Variants in POT1 observed in about 807,000 individuals in gnomAD.
POT1 encodes the protein protection of telomeres 1.
POT1 carries 47 observed loss-of-function variants against 78.5 expected under a neutral mutation model. That is an observed-to-expected ratio of 0.60 (90% confidence interval 0.47 to 0.76). The LOEUF (loss-of-function observed/expected upper bound fraction) is 0.76, where lower values mean the gene tolerates loss of function less well. Ranked by LOEUF, POT1 falls within the 30% of genes least tolerant of loss-of-function variation. The pLI is 0.00. For synonymous variants in POT1, 259 were observed against 260.7 expected, an observed-to-expected ratio of 0.99 and a Z score of 0.06; for missense variants, 646 against 749.9, an observed-to-expected ratio of 0.86 and a Z score of 1.62.
chr7:124,866,323 T>C (rs1210380254), intron 7 of POT1, among the ~76,000 whole-genome samples: 1 of 152,162 alleles, frequency 6.6e-6, no homozygotes, highest in Non-Finnish European at 1.5e-5. Flanking sequence ...GAAACCTTTG[T>C]GCTGCCTCAG....
chr7:124,842,996 C>G, intron 12 of POT1, 33 bp from the exon 13 acceptor site: 1 of 1,436,168 alleles, frequency 7.0e-7, no homozygotes, highest in Non-Finnish European at 9.4e-7. Context: ...ATCAGAATAA[C>G]AAGAATCATA....
intron 15 of POT1, among the ~76,000 whole-genome samples, chr7:124,831,481 T>C (rs1193407940): frequency 6.6e-6 from 1 of 152,214 alleles, no homozygotes; most frequent in Non-Finnish European, 1.5e-5. Context: ...AAATGTTCTC[T>C]ATTATCCATT....
intron 12 of POT1, 22 bp downstream of exon 12, chr7:124,846,920 C>G (rs771798994): frequency 6.5e-7 from 1 of 1,533,198 alleles, no homozygotes. Context: ...GTGCCCATCT[C>G]AAAAATGATA....
chr7:124,891,305 T>C (rs1409054434), intron 6 of POT1, among the ~76,000 whole-genome samples: 1 of 151,752 alleles, frequency 6.6e-6, no homozygotes, highest in African/African-American at 2.4e-5. Context: ...TTAAAGTCTC[T>C]TTTGTCTGAT....
At chr7:124,827,397 T>C in intron 16 of POT1, 92 bp from the exon 17 acceptor site, 1 of 569,866 alleles carries the variant, frequency 1.8e-6, no homozygotes, top group Non-Finnish European at 2.8e-6. Context: ...TATAGACCTG[T>C]AAATTTTATT....
At chr7:124,831,574 C>T (rs1562975769) in intron 15 of POT1, among the ~76,000 whole-genome samples, 1 of 151,642 alleles carries the variant, frequency 6.6e-6, no homozygotes, top group Non-Finnish European at 1.5e-5. Context: ...CATTTTATGA[C>T]AAGGGAAATA....
intron 3 of POT1, among the ~76,000 whole-genome samples, chr7:124,912,060 T>A (rs1177809240): frequency 6.6e-6 from 1 of 152,166 alleles, no homozygotes; most frequent in Non-Finnish European, 1.5e-5. Flanking sequence ...GGCTCAGGGT[T>A]CAGATGTCTT....
intron 16 of POT1, among the ~76,000 whole-genome samples, chr7:124,827,956 C>A (rs909959322): frequency 1.3e-5 from 2 of 151,990 alleles, no homozygotes; most frequent in African/African-American, 4.8e-5. Flanking sequence ...TTGCTTGAAC[C>A]TGGGAGGCAG....
rs1314905992 is a variant in POT1 at position 124,823,191 on chromosome 7, C to T, written c.*771G>A. On this transcript the variant is annotated 3_prime_UTR_variant, in exon 19 of 19. Transcript: ENST00000357628. Reference sequence around the variant, plus strand: ...CCTAAACATCTGCTGCATTGCCACACCTATTTCGATTCTTTGCCTCATATC... The same window carrying T: ...CCTAAACATCTGCTGCATTGCCACATCTATTTCGATTCTTTGCCTCATATC... The T allele has an allele frequency of 6.6e-6, 1 of 152,042 alleles. No individual in the cohort carries two copies. Among genetic ancestry groups the T allele is most frequent in the Non-Finnish European group, 1.5e-5 (1 of 67,960 alleles). 9.4% of individuals were successfully genotyped at this position (152,042 alleles called of 1,614,324 possible).
chr7:124,868,473 G>C (rs1298947408), intron 7 of POT1, among the ~76,000 whole-genome samples: 1 of 151,990 alleles, frequency 6.6e-6, no homozygotes, highest in Non-Finnish European at 1.5e-5. Context: ...TATCATAGTA[G>C]CCTTTAAAAC....
At chr7:124,825,160 G>C in intron 18 of POT1, 92 bp downstream of exon 18, 2 of 719,708 alleles carry the variant, frequency 2.8e-6, no homozygotes, top group East Asian at 2.8e-5. Flanking sequence ...TGGAAGCAAA[G>C]CTTTCAGACT....
At chr7:124,880,820 A>G (rs1328732235) in intron 6 of POT1, among the ~76,000 whole-genome samples, 1 of 94,754 alleles carries the variant, frequency 1.1e-5, no homozygotes, top group Non-Finnish European at 2.4e-5. Flanking sequence ...ACAATTTTAC[A>G]GAGGAACGTG....
intron 6 of POT1, among the ~76,000 whole-genome samples, chr7:124,872,160 A>C (rs1795886114): frequency 6.6e-6 from 1 of 152,162 alleles, no homozygotes; most frequent in Non-Finnish European, 1.5e-5. Flanking sequence ...TAAATGACAG[A>C]ATTTCCTTTG....
At chr7:124,871,135 C>T in intron 6 of POT1, 94 bp from the exon 7 acceptor site, 1 of 1,086,116 alleles carries the variant, frequency 9.2e-7, no homozygotes, top group South Asian at 2.1e-5. Flanking sequence ...AAACCTTATT[C>T]TTCCTTTTAA....
At chr7:124,865,692 T>A (rs1795704527) in intron 7 of POT1, among the ~76,000 whole-genome samples, 1 of 151,458 alleles carries the variant, frequency 6.6e-6, no homozygotes, top group Non-Finnish European at 1.5e-5. Context: ...TTTAAGTTAT[T>A]TTATTTATTA....
At chr7:124,896,716 A>G (rs1796500448) in intron 5 of POT1, among the ~76,000 whole-genome samples, 1 of 151,706 alleles carries the variant, frequency 6.6e-6, no homozygotes, top group African/African-American at 2.4e-5. Flanking sequence ...AATAGTGGGG[A>G]AAATGGTTAA....
rs1482990952 is a variant in POT1, at chr7:124,829,258, T to G, written c.1590A>C (p.Ala530=). ...DKTSWIPSSV[A]EALGIVPLQY... ...GGGCATGGAAATTTAGCTAACCTTC[T>G]GCCACAGAAGAAGGAATCCACGATG... Residue 530 remains alanine (A), a synonymous_variant, in exon 16 of 19, where the codon GCA becomes GCC. Transcript: ENST00000357628. 6.3e-7 allele frequency: 1 copy of G among 1,593,850 alleles called. No homozygotes were observed. The highest frequency in any genetic ancestry group is 8.6e-7 in the Non-Finnish European group (1 of 1,162,468).
chr7:124,921,588 T>C (rs976146579), intron 2 of POT1, among the ~76,000 whole-genome samples: 1 of 152,220 alleles, frequency 6.6e-6, no homozygotes, highest in Non-Finnish European at 1.5e-5. Context: ...TATTATCAGA[T>C]GCATTTTGTC....
At chr7:124,911,482 A>T (rs982034088) in intron 3 of POT1, among the ~76,000 whole-genome samples, 3 of 152,140 alleles carry the variant, frequency 2.0e-5, no homozygotes, top group Non-Finnish European at 4.4e-5. Context: ...TATTTTAAAA[A>T]TTTTATCAGC....
Sources: gnomAD v4.1 joint callset for allele counts (sites outside exome capture counted in the v4.1 genomes callset) on GRCh38, gnomAD v4.1.1 for gene constraint, MANE v1.5 for transcripts, NCBI Gene and HGNC (gene_info 2026-07-23, HGNC 2026-07-21) for gene names.